GUSB: variants seen among roughly 807,000 people sequenced by gnomAD.
The protein encoded by GUSB is glucuronidase beta, also known as beta-glucuronidase.
A neutral mutation model predicts 74.6 loss-of-function variants in GUSB; 51 were observed. That is an observed-to-expected ratio of 0.68 (90% CI 0.55 to 0.86). The LOEUF is 0.86. Ranked by LOEUF, GUSB falls within the 40% of genes least tolerant of loss-of-function variation. GUSB has a pLI of 0.00. For synonymous variants in GUSB, 360 were observed against 348.3 expected, an observed-to-expected ratio of 1.03 and a Z score of -0.37; for missense variants, 736 against 853.7, an observed-to-expected ratio of 0.86 and a Z score of 1.72.
rs200228580 is a variant in GUSB at position 65,964,342 on chromosome 7, G to A, written c.1770C>T (p.Ala590=). The change falls in exon 11 of 12, where the codon GCC becomes GCT. Residue 590 remains alanine (A), a synonymous_variant. Coordinates refer to ENST00000304895, the MANE Select transcript of GUSB (RefSeq NM_000181.4). ...ACTTACACTGTTCAGTCATGAAATC[G>A]GCAAAATTCCAAATGAGCTCTCCAA... is the stretch of plus-strand genomic sequence containing the variant. ...YVVGELIWNF[A]DFMTEQSPTR... 3.7e-6 allele frequency: 6 copies of A among 1,611,784 alleles called. No individual in the cohort carries two copies. Among genetic ancestry groups the A allele is most frequent in the Admixed American group, 1.7e-5 (1 of 60,000 alleles).
At chr7:65,962,694 G>T (rs1340935250) in intron 11 of GUSB, among the ~76,000 whole-genome samples, 1 of 151,970 alleles carries the variant, frequency 6.6e-6, no homozygotes, top group Non-Finnish European at 1.5e-5. Flanking sequence ...CCAACATGGA[G>T]AAACCCCGTC....
chr7:65,976,041 G>A lies in GUSB; in HGVS notation c.886C>T (p.Arg296Cys), dbSNP rs773699561. The change falls in exon 5 of 12, where the codon CGC (arginine) becomes TGC (cysteine). Residue 296 changes from arginine (R) to cysteine (C), a missense_variant. Arg to Cys is a radical substitution (Grantham distance 180). Transcript: ENST00000304895. The part of the protein sequence containing the change: ...SLWWPYLMHE[R>C]PAYLYSLEVQ... ...TCCAATGAATACAGATAGGCAGGGC[G>A]TTCGTGCATCAGGTACGGCCACCAG... 9 of 1,613,830 alleles carry A rather than the reference G, an allele frequency of 5.6e-6. No homozygotes were observed. The highest frequency in any genetic ancestry group is 3.3e-5 in the South Asian group (3 of 91,086).
chr7:65,963,785 A>G (rs2115831498), intron 11 of GUSB, among the ~76,000 whole-genome samples: 1 of 152,202 alleles, frequency 6.6e-6, no homozygotes, highest in East Asian at 1.9e-4. Flanking sequence ...GCCTCAAGCG[A>G]TCCTCCCACC....
In GUSB at chr7:65,961,021, C is replaced by A; in HGVS notation, c.1832G>T (p.Arg611Leu). The A allele has an allele frequency of 6.2e-7, 1 of 1,612,636 alleles. No homozygotes were observed. Among genetic ancestry groups the A allele is most frequent in the Non-Finnish European group, 8.5e-7 (1 of 1,179,820 alleles). Residue 611 changes from arginine (R) to leucine (L), a missense_variant, in exon 12 of 12, where the codon CGG (arginine) becomes CTG (leucine). Coordinates refer to ENST00000304895, the MANE Select transcript of GUSB (RefSeq NM_000181.4). ...VLGNKKGIFT[R>L]QRQPKSAAFL... ...CGCTGCACTTTTTGGTTGTCTCTGC[C>A]GAGTGAAGATCCCCTTTTTATTCCC...
In GUSB at chr7:65,982,142, C is replaced by G. The variant is rs1792076511; in HGVS notation, c.42G>C (p.Pro14=). The part of the protein sequence containing the change: ...GSAVAWAALG[P]LLWGCALGLQ... The stretch of plus-strand genomic sequence containing the variant: ...GCCCCAGCGCGCAGCCCCACAACAA[C>G]GGCCCGAGCGCCGCCCAGGCAACCG... Residue 14 remains proline, a synonymous_variant, in exon 1 of 12, where the codon CCG becomes CCC. Coordinates refer to ENST00000304895, the MANE Select transcript of GUSB (RefSeq NM_000181.4). The G allele has an allele frequency of 6.5e-7, 1 of 1,542,956 alleles. No homozygotes were observed. The highest frequency in any genetic ancestry group is 1.4e-5 in the African/African-American group (1 of 71,040).
intron 9 of GUSB, among the ~76,000 whole-genome samples, chr7:65,968,915 C>T (rs1419071026): frequency 6.6e-6 from 1 of 152,114 alleles, no homozygotes; most frequent in Non-Finnish European, 1.5e-5. Context: ...GGAGCTTTCA[C>T]AAGGCAGCAC....
chr7:65,961,998 T>C (rs2115812257), intron 11 of GUSB, among the ~76,000 whole-genome samples: 1 of 108,492 alleles, frequency 9.2e-6, no homozygotes, highest in East Asian at 5.2e-4. Flanking sequence ...TGAGACTCCA[T>C]CTCCAAAAAA....
chr7:65,980,078 T>C (rs1454637981), intron 2 of GUSB, 146 bp downstream of exon 2: 2 of 971,124 alleles, frequency 2.1e-6, no homozygotes, highest in South Asian at 1.5e-5. Context: ...TATCCCCCTA[T>C]ACAGGGCACA....
At chr7:65,974,222 C>T in intron 8 of GUSB, 73 bp downstream of exon 8, 1 of 1,465,546 alleles carries the variant, frequency 6.8e-7, no homozygotes, top group Non-Finnish European at 9.5e-7. Flanking sequence ...TTGAACAGCA[C>T]ATGCCCACCG....
In GUSB at chr7:65,976,116, C is replaced by T. The variant is rs1245457785; in HGVS notation, c.811G>A (p.Ala271Thr). The change falls in exon 5 of 12, where the codon GCG becomes ACG. Residue 271 changes from alanine to threonine, a missense_variant. By Grantham distance (58) the Ala-to-Thr change is moderately conservative. Coordinates refer to ENST00000304895, the MANE Select transcript of GUSB (RefSeq NM_000181.4). ...TGGCCCTGGGTCCCAGTCCCATTCGCCACGACTTTGTTTTCTGCATCCAAA... is the reference window on the plus strand; with the variant it reads ...TGGCCCTGGGTCCCAGTCCCATTCGTCACGACTTTGTTTTCTGCATCCAAA... ...RLLDAENKVV[A>T]NGTGTQGQLK... 8 of 1,613,834 alleles carry T rather than the reference C, an allele frequency of 5.0e-6. No homozygotes were observed. Among genetic ancestry groups the T allele is most frequent in the African/African-American group, 1.3e-5 (1 of 74,914 alleles).
At chr7:65,969,218 T>TA (rs1583905042) in intron 9 of GUSB, among the ~76,000 whole-genome samples, 1 of 150,938 alleles carries the variant, frequency 6.6e-6, no homozygotes, top group Admixed American at 6.6e-5. Flanking sequence ...CCATCTCTAC[T>TA]AAAAAATACA....
chr7:65,961,206 T>G lies in GUSB; in HGVS notation c.1790-143A>C, dbSNP rs972346388. On this transcript the variant is annotated intron_variant, in intron 11 of 11. Coordinates refer to ENST00000304895, the MANE Select transcript of GUSB (RefSeq NM_000181.4). ...CCCTGTTGCCCAGGCTGGAATGCGG[T>G]GACACAATCATAGCTCACTGCAGCC... 5.0e-6 allele frequency: 4 copies of G among 802,958 alleles called. No individual in the cohort carries two copies. In the African/African-American group the frequency reaches 6.9e-5, roughly 14 times the overall value. The allele number at this position is 802,958 out of a possible 1,614,324, so 49.7% of individuals were successfully genotyped here. A position where few individuals can be genotyped will look rare whatever the true frequency, so the allele number is the denominator to read the frequency against.
chr7:65,968,015 CAG>C, intron 9 of GUSB, 108 bp from the exon 10 acceptor site: 2 of 919,418 alleles, frequency 2.2e-6, no homozygotes, highest in Non-Finnish European at 3.5e-6. Context: ...GATGTAATCC[CAG>C]CACTCTGGGA....
At chr7:65,976,791 G>A (rs1791607351) in intron 4 of GUSB, among the ~76,000 whole-genome samples, 1 of 151,882 alleles carries the variant, frequency 6.6e-6, no homozygotes, top group African/African-American at 2.4e-5. Flanking sequence ...CAATCAGCCG[G>A]TCGTGGTGGT....
Position 65,982,145 on chromosome 7 carries a change from C to CCCGAGCGCCGCCCAGGCAACCG in GUSB, c.17_38dup (p.Pro14GlyfsTer47). 6.5e-7 allele frequency: 1 copy of CCCGAGCGCCGCCCAGGCAACCG among 1,540,702 alleles called. No homozygotes were observed. The highest frequency in any genetic ancestry group is 8.7e-7 in the Non-Finnish European group (1 of 1,143,690). On this transcript the variant is annotated frameshift_variant, in exon 1 of 12. Coordinates refer to ENST00000304895, the MANE Select transcript of GUSB (RefSeq NM_000181.4). LOFTEE classifies it high-confidence loss of function. ...CCAGCGCGCAGCCCCACAACAACGG[C>CCCGAGCGCCGCCCAGGCAACCG]CCGAGCGCCGCCCAGGCAACCGCCG...
At chr7:65,975,163 G>A (rs1423421588) in intron 5 of GUSB, 92 bp from the exon 6 acceptor site, 4 of 1,113,288 alleles carry the variant, frequency 3.6e-6, no homozygotes, top group African/African-American at 3.1e-5. Context: ...GTGCACCCCA[G>A]CAGCTGCCTC....
At chr7:65,975,775 T>C in intron 5 of GUSB, 1 of 428,924 alleles carries the variant, frequency 2.3e-6, no homozygotes. Context: ...TGCTGCAGGC[T>C]GAGAGTTCAA....
rs768543128 is a variant in GUSB at position 65,974,383 on chromosome 7, GCAC to G, written c.1300_1302del (p.Val434del). 1.9e-6 allele frequency: 3 copies of G among 1,614,090 alleles called. No homozygotes were observed. In the Admixed American group the frequency reaches 5.0e-5, roughly 27 times the overall value. ...ACCGCGGGGTGGTTCTTGTCCCTAC[GCAC>G]CACTTCTTCCATCACCTGCATGTGG... On this transcript the variant is annotated inframe_deletion, in exon 8 of 12. Transcript: ENST00000304895.
chr7:65,979,358 AC>A lies in GUSB; in HGVS notation c.724+40del, dbSNP rs771972377. On this transcript the variant is annotated intron_variant, in intron 4 of 11. Transcript: ENST00000304895. Reference sequence around the variant, plus strand: ...TTCCAAACAGGGAACAAACAGAGCCACCCTGGGCCCCGCTGAGAGGATCCTA... The same window carrying A: ...TTCCAAACAGGGAACAAACAGAGCCACCTGGGCCCCGCTGAGAGGATCCTA... The A allele has an allele frequency of 6.8e-4, 1,066 of 1,568,202 alleles. 15 individuals carry two copies. The South Asian group carries it at 0.011, about 16-fold the overall frequency.
Sources: gnomAD v4.1 joint callset for allele counts (sites outside exome capture counted in the v4.1 genomes callset) on GRCh38, gnomAD v4.1.1 for gene constraint, MANE v1.5 for transcripts, NCBI Gene and HGNC (gene_info 2026-07-23, HGNC 2026-07-21) for gene names.